Variants in CADM2 observed in about 807,000 individuals in gnomAD.
CADM2 encodes cell adhesion molecule 2.
A neutral mutation model predicts 49.8 loss-of-function variants in CADM2; 12 were observed. The ratio of observed to expected loss-of-function variants is 0.24; its 90% CI spans 0.15 to 0.39. The LOEUF is 0.39. CADM2 is among the 10% of genes least tolerant of loss of function. CADM2 has a pLI of 1.00. For synonymous variants in CADM2, 214 were observed against 175.4 expected, an observed-to-expected ratio of 1.22 and a Z score of -1.74; for missense variants, 378 against 492.3, an observed-to-expected ratio of 0.77 and a Z score of 2.20.
chr3:84,986,959 G>A (rs1232654860), intron 1 of CADM2, among the ~76,000 whole-genome samples: 1 of 151,742 alleles, frequency 6.6e-6, no homozygotes, highest in Non-Finnish European at 1.5e-5. Context: ...GGCTGAGGCA[G>A]GAGAATCACT....
At chr3:85,803,881 A>C (rs1339550152) in intron 3 of CADM2, among the ~76,000 whole-genome samples, 3 of 152,204 alleles carry the variant, frequency 2.0e-5, no homozygotes, top group African/African-American at 7.2e-5. Context: ...TGGCCCAGTC[A>C]TATTGACATT....
chr3:85,302,835 A>C (rs1305140523), intron 1 of CADM2, among the ~76,000 whole-genome samples: 4 of 151,996 alleles, frequency 2.6e-5, no homozygotes, highest in Admixed American at 6.6e-5. Context: ...TAATAACTGA[A>C]TATAGATATT....
intron 1 of CADM2, among the ~76,000 whole-genome samples, chr3:85,441,926 A>C (rs2107544861): frequency 6.6e-6 from 1 of 152,250 alleles, no homozygotes; most frequent in South Asian, 2.1e-4. Context: ...TGGAACTATA[A>C]GCAGAAGAAC....
chr3:85,521,170 C>G (rs1360603161), intron 1 of CADM2, among the ~76,000 whole-genome samples: 2 of 152,114 alleles, frequency 1.3e-5, no homozygotes, highest in African/African-American at 2.4e-5. Flanking sequence ...AAATGAAACT[C>G]TAGGAATAAA....
At chr3:85,442,588 G>GCATA (rs2037255008) in intron 1 of CADM2, among the ~76,000 whole-genome samples, 5 of 120,934 alleles carry the variant, frequency 4.1e-5, no homozygotes, top group African/African-American at 1.4e-4. Context: ...TTATATATGA[G>GCATA]TATATATATA....
intron 1 of CADM2, among the ~76,000 whole-genome samples, chr3:85,622,553 A>T (rs545208772): frequency 6.6e-6 from 1 of 152,168 alleles, no homozygotes; most frequent in Admixed American, 6.5e-5. Flanking sequence ...TAACATATGG[A>T]ATTTTCTACA....
intron 1 of CADM2, among the ~76,000 whole-genome samples, chr3:85,379,716 T>A (rs897015348): frequency 6.6e-6 from 1 of 152,080 alleles, no homozygotes; most frequent in Non-Finnish European, 1.5e-5. Flanking sequence ...ATCAAGTAAT[T>A]GTGACCCACA....
chr3:85,237,091 T>C (rs964069565), intron 1 of CADM2, among the ~76,000 whole-genome samples: 2 of 152,062 alleles, frequency 1.3e-5, no homozygotes, highest in African/African-American at 2.4e-5. Flanking sequence ...TTTGATCTAT[T>C]AAGTAATTTG....
intron 1 of CADM2, among the ~76,000 whole-genome samples, chr3:85,613,386 A>G (rs1421986040): frequency 6.6e-6 from 1 of 151,722 alleles, no homozygotes; most frequent in African/African-American, 2.4e-5. Context: ...TCTCATATGT[A>G]TGGTATTTTC....
Position 86,065,749 on chromosome 3 carries a change from G to C in CADM2, c.1096+19G>C. The C allele has an allele frequency of 6.2e-7, 1 of 1,611,478 alleles. No individual in the cohort carries two copies. Among genetic ancestry groups the C allele is most frequent in the Non-Finnish European group, 8.5e-7 (1 of 1,178,916 alleles). On this transcript the variant is annotated intron_variant, in intron 9 of 9. Coordinates refer to ENST00000383699, the MANE Select transcript of CADM2 (RefSeq NM_001167675.2). ...CATAAAGGTACGTTATATTTAGCCA[G>C]AGTACACAATGTGGGCAAAATATTC...
At chr3:85,123,007 G>A (rs1281263004) in intron 1 of CADM2, among the ~76,000 whole-genome samples, 1 of 152,040 alleles carries the variant, frequency 6.6e-6, no homozygotes, top group African/African-American at 2.4e-5. Context: ...ATATTTAAAT[G>A]TGTTTACCTA....
chr3:85,697,869 T>C (rs2066619641), intron 1 of CADM2, among the ~76,000 whole-genome samples: 1 of 152,340 alleles, frequency 6.6e-6, no homozygotes, highest in Non-Finnish European at 1.5e-5. Flanking sequence ...GATACGGTGA[T>C]TTATTTGCTT....
chr3:85,135,774 A>T (rs1047172888), intron 1 of CADM2, among the ~76,000 whole-genome samples: 1 of 152,194 alleles, frequency 6.6e-6, no homozygotes, highest in East Asian at 1.9e-4. Flanking sequence ...CTTTTAATTT[A>T]TACATCCAGT....
chr3:85,357,697 C>T (rs930466447), intron 1 of CADM2, among the ~76,000 whole-genome samples: 1 of 151,930 alleles, frequency 6.6e-6, no homozygotes, highest in African/African-American at 2.4e-5. Context: ...TTCAAGGGCT[C>T]TCACATTTCA....
At chr3:85,224,600 G>T (rs2042112734) in intron 1 of CADM2, among the ~76,000 whole-genome samples, 1 of 152,144 alleles carries the variant, frequency 6.6e-6, no homozygotes, top group Non-Finnish European at 1.5e-5. Context: ...AAGCTCTTTA[G>T]TTTAATTAGA....
chr3:85,791,724 G>C (rs910474476), intron 2 of CADM2, among the ~76,000 whole-genome samples: 1 of 151,912 alleles, frequency 6.6e-6, no homozygotes, highest in Non-Finnish European at 1.5e-5. Context: ...GTTGTTGTTT[G>C]TTTGTTTGTT....
At chr3:85,219,141 T>C (rs1042094259) in intron 1 of CADM2, among the ~76,000 whole-genome samples, 1 of 152,126 alleles carries the variant, frequency 6.6e-6, no homozygotes, top group African/African-American at 2.4e-5. Flanking sequence ...AAGAATAATA[T>C]GATATAAGGA....
At chr3:85,606,348 G>T (rs1258900327) in intron 1 of CADM2, among the ~76,000 whole-genome samples, 1 of 151,956 alleles carries the variant, frequency 6.6e-6, no homozygotes, top group Non-Finnish European at 1.5e-5. Context: ...GTTCACACTT[G>T]CTCCCTTCAT....
chr3:85,910,613 G>A (rs2108476035), intron 5 of CADM2, among the ~76,000 whole-genome samples: 1 of 152,098 alleles, frequency 6.6e-6, no homozygotes, highest in African/African-American at 2.4e-5. Context: ...GTATAATTTT[G>A]TATCCTGTGT....
Sources: gnomAD v4.1 joint callset for allele counts (sites outside exome capture counted in the v4.1 genomes callset) on GRCh38, gnomAD v4.1.1 for gene constraint, MANE v1.5 for transcripts, NCBI Gene and HGNC (gene_info 2026-07-23, HGNC 2026-07-21) for gene names.